The following MYO1E variants were observed in gnomAD, a reference collection of about 807,000 sequenced individuals.
MYO1E encodes myosin IE, also known as unconventional myosin-Ie.
Under a neutral mutation model 151.1 loss-of-function variants are expected in MYO1E, and 68 were observed. The observed-to-expected ratio is 0.45, with a 90% confidence interval of 0.37 to 0.55. MYO1E has a LOEUF of 0.55. MYO1E is among the 20% of genes least tolerant of loss of function. MYO1E has a pLI of 0.00. For synonymous variants in MYO1E, 601 were observed against 501.7 expected, an observed-to-expected ratio of 1.20 and a Z score of -2.64; for missense variants, 1,363 against 1,389.3, an observed-to-expected ratio of 0.98 and a Z score of 0.30.
rs143964161 is a variant in MYO1E, at chr15:59,182,837, A to G, written c.1905-4300T>C. 1.7e-4 allele frequency among the ~76,000 whole-genome samples: 26 copies of G among 152,268 alleles called. No homozygotes were observed. In the East Asian group the frequency reaches 5.0e-3, roughly 29 times the overall value. On this transcript the variant is annotated intron_variant, in intron 18 of 27. Transcript: ENST00000288235. ...ATCACAGGGTCCCTTACACCAGCCA[A>G]TCTTTTTGGCACCAGGATTCATGGA...
chr15:59,138,911 C>A (rs189461663), intron 26 of MYO1E, among the ~76,000 whole-genome samples: 2 of 152,246 alleles, frequency 1.3e-5, no homozygotes, highest in African/African-American at 4.8e-5. Flanking sequence ...TCATATTCCA[C>A]GGTCACATGC....
chr15:59,144,006 G>T (rs1596339973), intron 26 of MYO1E, among the ~76,000 whole-genome samples: 2 of 151,908 alleles, frequency 1.3e-5, no homozygotes, highest in Admixed American at 1.3e-4. Context: ...AACTCCCCCT[G>T]AGATGGGGCC....
intron 26 of MYO1E, among the ~76,000 whole-genome samples, chr15:59,144,696 A>G (rs1265616444): frequency 2.0e-5 from 3 of 152,136 alleles, no homozygotes; most frequent in Non-Finnish European, 2.9e-5. Flanking sequence ...AATCTCTACG[A>G]TTCACCAGAC....
At chr15:59,325,382 C>A (rs2080657548) in intron 1 of MYO1E, among the ~76,000 whole-genome samples, 1 of 152,088 alleles carries the variant, frequency 6.6e-6, no homozygotes, top group African/African-American at 2.4e-5. Context: ...ATGACATAAC[C>A]AGGGATTTCG....
chr15:59,155,394 C>T (rs375011619), intron 25 of MYO1E, among the ~76,000 whole-genome samples: 7 of 152,276 alleles, frequency 4.6e-5, no homozygotes, highest in South Asian at 2.1e-4. Context: ...TGGTTTGTGA[C>T]GGACTGGAAA....
intron 3 of MYO1E, 33 bp downstream of exon 3, chr15:59,261,387 A>G (rs749761934): frequency 6.8e-7 from 1 of 1,469,844 alleles, no homozygotes; most frequent in Non-Finnish European, 9.5e-7. Flanking sequence ...AAAGCCCTAA[A>G]TAAGGCAGTA....
chr15:59,341,405 T>C (rs539349562), intron 1 of MYO1E: 2 of 152,314 alleles, frequency 1.3e-5, no homozygotes, highest in East Asian at 3.9e-4. Flanking sequence ...AGTATACGTG[T>C]TACTGTGAGC....
intron 1 of MYO1E, among the ~76,000 whole-genome samples, chr15:59,344,255 G>A (rs1441924587): frequency 6.6e-6 from 1 of 152,234 alleles, no homozygotes; most frequent in Non-Finnish European, 1.5e-5. Flanking sequence ...CAGTAACACT[G>A]TAGTTCTTGC....
chr15:59,300,857 C>CT (rs757041312), intron 1 of MYO1E, among the ~76,000 whole-genome samples: 8 of 143,974 alleles, frequency 5.6e-5, no homozygotes, highest in South Asian at 4.4e-4. Context: ...TCTTTTTTTC[C>CT]TTTTTTTTCT....
intron 25 of MYO1E, among the ~76,000 whole-genome samples, chr15:59,155,523 G>A (rs1446223552): frequency 6.6e-6 from 1 of 152,168 alleles, no homozygotes; most frequent in Non-Finnish European, 1.5e-5. Flanking sequence ...CATTTAGAGA[G>A]TTGGGGAGCC....
chr15:59,138,131 A>C, intron 27 of MYO1E, 67 bp downstream of exon 27: 20 of 1,565,964 alleles, frequency 1.3e-5, no homozygotes, highest in Middle Eastern at 1.7e-4. Flanking sequence ...TTTTCACACT[A>C]GATCTTACAG....
intron 2 of MYO1E, among the ~76,000 whole-genome samples, chr15:59,271,980 C>T (rs2080291473): frequency 6.6e-6 from 1 of 152,202 alleles, no homozygotes; most frequent in Non-Finnish European, 1.5e-5. Context: ...TCATCTTTGC[C>T]CTTTGCACAG....
chr15:59,254,347 C>A (rs778251393), intron 4 of MYO1E, among the ~76,000 whole-genome samples: 1 of 152,114 alleles, frequency 6.6e-6, no homozygotes, highest in Non-Finnish European at 1.5e-5. Context: ...ACCACCACAC[C>A]CAGCTAATTA....
intron 1 of MYO1E, among the ~76,000 whole-genome samples, chr15:59,290,754 G>A (rs920440645): frequency 6.6e-6 from 1 of 152,164 alleles, no homozygotes; most frequent in Non-Finnish European, 1.5e-5. Flanking sequence ...GGATCCACTG[G>A]AGGAATTTTT....
intron 1 of MYO1E, among the ~76,000 whole-genome samples, chr15:59,296,196 C>A (rs978511810): frequency 6.6e-6 from 1 of 152,168 alleles, no homozygotes; most frequent in Non-Finnish European, 1.5e-5. Flanking sequence ...CTGCTCTATG[C>A]CAACTTCTAA....
At chr15:59,260,950 C>T (rs756934175) in intron 3 of MYO1E, among the ~76,000 whole-genome samples, 9 of 152,054 alleles carry the variant, frequency 5.9e-5, no homozygotes, top group African/African-American at 2.2e-4. Context: ...ATTGGCCAGG[C>T]GTGGTGGCTC....
chr15:59,251,308 A>C (rs1033832624), intron 4 of MYO1E, among the ~76,000 whole-genome samples: 1 of 152,228 alleles, frequency 6.6e-6, no homozygotes, highest in African/African-American at 2.4e-5. Context: ...TAGTGAGACC[A>C]GGAAGAAGCA....
rs1438226144 is a variant in MYO1E, at chr15:59,290,819, C to G, written c.4-18370G>C. ...CACTCTCAACCCTGCAAAGTCAGAG[C>G]TGGTAGTAAATGCTGGGTTCCCTTG... is the stretch of plus-strand genomic sequence containing the variant. On this transcript the variant is annotated intron_variant, in intron 1 of 27. Transcript: ENST00000288235. 2.6e-5 allele frequency among the ~76,000 whole-genome samples: 4 copies of G among 152,146 alleles called. No individual in the cohort carries two copies. In the East Asian group the frequency reaches 5.8e-4, roughly 22 times the overall value.
intron 9 of MYO1E, among the ~76,000 whole-genome samples, chr15:59,219,041 A>G (rs575014213): frequency 6.6e-6 from 1 of 152,212 alleles, no homozygotes; most frequent in Non-Finnish European, 1.5e-5. Context: ...GAGGGGCATT[A>G]TAAGAAGATT....
Sources: gnomAD v4.1 joint callset for allele counts (sites outside exome capture counted in the v4.1 genomes callset) on GRCh38, gnomAD v4.1.1 for gene constraint, MANE v1.5 for transcripts, NCBI Gene and HGNC (gene_info 2026-07-23, HGNC 2026-07-21) for gene names.